The following KCNQ5 variants were observed in gnomAD, a reference collection of about 807,000 sequenced individuals.
The protein encoded by KCNQ5 is potassium voltage-gated channel subfamily Q member 5.
Under a neutral mutation model 98.2 loss-of-function variants are expected in KCNQ5, and 30 were observed. The observed-to-expected ratio is 0.31, with a 90% CI of 0.23 to 0.41. KCNQ5 has a LOEUF of 0.41. Among genes scored for constraint, KCNQ5 ranks in the 10% least tolerant of loss-of-function variants. The probability of loss-of-function intolerance (pLI) is 1.00; values close to 1 mark genes in which losing one functional copy is unlikely to be tolerated. For missense variants in KCNQ5, 835 were observed against 1,182.5 expected, an observed-to-expected ratio of 0.71 and a Z score of 4.31; for synonymous variants, 458 against 449.4, an observed-to-expected ratio of 1.02 and a Z score of -0.24.
intron 3 of KCNQ5, among the ~76,000 whole-genome samples, chr6:73,064,501 T>A (rs1197799682): frequency 6.6e-6 from 1 of 152,156 alleles, no homozygotes; most frequent in African/African-American, 2.4e-5. Flanking sequence ...TCAAATTTGA[T>A]TATTCATTGG....
chr6:73,197,622 CACACACACACACACA>C lies in KCNQ5; in HGVS notation c.*2209_*2223del, dbSNP rs1765840587. On this transcript the variant is annotated 3_prime_UTR_variant, in exon 14 of 14. Coordinates refer to ENST00000370398, the MANE Select transcript of KCNQ5 (RefSeq NM_019842.4). ...ACACACACACACACACACACACACA[CACACACACACACACA>C]CACACCCCTCCACTGACCTAAAGCC... 7.2e-6 allele frequency: 1 copy of C among 138,490 alleles called. No individual in the cohort carries two copies. The highest frequency in any genetic ancestry group is 1.7e-5 in the Non-Finnish European group (1 of 59,988). 8.6% of individuals were successfully genotyped at this position (138,490 alleles called of 1,614,324 possible).
chr6:72,681,266 A>C (rs1023290432), intron 1 of KCNQ5, among the ~76,000 whole-genome samples: 3 of 152,218 alleles, frequency 2.0e-5, no homozygotes, highest in African/African-American at 7.2e-5. Context: ...CTAGTTTGTA[A>C]CTACTATTAT....
At chr6:72,881,237 T>C (rs944534314) in intron 1 of KCNQ5, among the ~76,000 whole-genome samples, 9 of 152,224 alleles carry the variant, frequency 5.9e-5, no homozygotes, top group African/African-American at 2.2e-4. Flanking sequence ...CAGCTATCAG[T>C]TGATGAACAC....
At chr6:73,093,219 A>T (rs1774329520) in intron 5 of KCNQ5, among the ~76,000 whole-genome samples, 1 of 151,956 alleles carries the variant, frequency 6.6e-6, no homozygotes, top group Admixed American at 6.6e-5. Context: ...GCCTTGAATG[A>T]TCTTTTGTAT....
intron 1 of KCNQ5, among the ~76,000 whole-genome samples, chr6:72,899,744 C>G (rs1779405340): frequency 1.3e-5 from 2 of 151,714 alleles, no homozygotes; most frequent in Non-Finnish European, 2.9e-5. Flanking sequence ...TTTGGTGTAC[C>G]CATCACCAGA....
At chr6:73,165,488 G>T (rs1777759183) in intron 10 of KCNQ5, among the ~76,000 whole-genome samples, 1 of 152,088 alleles carries the variant, frequency 6.6e-6, no homozygotes, top group Non-Finnish European at 1.5e-5. Context: ...TATTTCCAAG[G>T]CTCCTTTGGG....
At chr6:72,770,173 G>C (rs1022820168) in intron 1 of KCNQ5, among the ~76,000 whole-genome samples, 3 of 152,080 alleles carry the variant, frequency 2.0e-5, no homozygotes, top group Non-Finnish European at 4.4e-5. Flanking sequence ...ATGGATTCTA[G>C]AAAATGTTGG....
intron 1 of KCNQ5, among the ~76,000 whole-genome samples, chr6:72,968,799 C>T (rs1277769685): frequency 2.6e-5 from 4 of 152,078 alleles, no homozygotes; most frequent in African/African-American, 9.7e-5. Flanking sequence ...TATAATATCT[C>T]GGCCAAAAAT....
At position 72,670,797 on chromosome 6, in the gene KCNQ5, T is replaced by C. The variant is rs115281263; in HGVS notation, c.398+48210T>C. On this transcript the variant is annotated intron_variant, in intron 1 of 13. Coordinates refer to ENST00000370398, the MANE Select transcript of KCNQ5 (RefSeq NM_019842.4). ...GAATCTTATAGGATCAGAGCCCAAC[T>C]CTTACATTCTTGTTTAACCTTACTT... Among the ~76,000 whole-genome samples the C allele has an allele frequency of 3.1e-3, 476 of 152,244 alleles. 2 individuals carry two copies. The highest frequency in any genetic ancestry group is 0.014 in the Middle Eastern group (4 of 294).
intron 1 of KCNQ5, among the ~76,000 whole-genome samples, chr6:72,938,376 C>T (rs1006598324): frequency 3.3e-5 from 5 of 151,850 alleles, no homozygotes; most frequent in Admixed American, 1.3e-4. Flanking sequence ...TAAAATTGTA[C>T]GTTTATTTAT....
At chr6:73,005,685 GA>G (rs1769781321) in intron 2 of KCNQ5, among the ~76,000 whole-genome samples, 1 of 152,170 alleles carries the variant, frequency 6.6e-6, no homozygotes. Context: ...GCATTTAGTA[GA>G]AAATAAAAAT....
intron 1 of KCNQ5, among the ~76,000 whole-genome samples, chr6:72,920,452 A>G (rs1044755233): frequency 6.6e-6 from 1 of 152,172 alleles, no homozygotes; most frequent in Non-Finnish European, 1.5e-5. Flanking sequence ...TGGAATACGC[A>G]TCTAAGATAA....
In KCNQ5 at chr6:72,912,265, C is replaced by CA. The variant is rs202239809; in HGVS notation, c.399-91634dup. ...CAGGGCTATGTACATATAGGTAAAT[C>CA]AAAAAAAAACTTAATGGGCATATTA... is the stretch of plus-strand genomic sequence containing the variant. On this transcript the variant is annotated intron_variant, in intron 1 of 13. Coordinates refer to ENST00000370398, the MANE Select transcript of KCNQ5 (RefSeq NM_019842.4). 1.2e-4 allele frequency among the ~76,000 whole-genome samples: 18 copies of CA among 150,772 alleles called. No individual in the cohort carries two copies. In the South Asian group the frequency reaches 1.9e-3, roughly 16 times the overall value.
chr6:72,663,217 G>A (rs544888821), intron 1 of KCNQ5, among the ~76,000 whole-genome samples: 207 of 152,144 alleles, frequency 1.4e-3, no homozygotes, highest in African/African-American at 4.8e-3. Context: ...ACCATGGCAC[G>A]TGTATACCTA....
chr6:73,025,423 A>T (rs1320474120), intron 2 of KCNQ5, among the ~76,000 whole-genome samples: 2 of 152,152 alleles, frequency 1.3e-5, no homozygotes, highest in Non-Finnish European at 2.9e-5. Flanking sequence ...GGAGTTCAAA[A>T]AAAGCCTGCC....
intron 3 of KCNQ5, among the ~76,000 whole-genome samples, chr6:73,045,538 C>A (rs549634512): frequency 4.1e-4 from 63 of 152,324 alleles, no homozygotes; most frequent in African/African-American, 1.5e-3. Flanking sequence ...ACCACCCAAG[C>A]TGCCCTTCAT....
chr6:72,657,580 G>A (rs912708173), intron 1 of KCNQ5, among the ~76,000 whole-genome samples: 1 of 152,174 alleles, frequency 6.6e-6, no homozygotes, highest in African/African-American at 2.4e-5. Context: ...GAAAGAAACA[G>A]GGTCTTGTTC....
rs1262738341 is a variant in KCNQ5 at position 73,057,414 on chromosome 6, G to A, written c.616+15352G>A. 2.6e-5 allele frequency among the ~76,000 whole-genome samples: 4 copies of A among 151,968 alleles called. No homozygotes were observed. In the East Asian group the frequency reaches 5.8e-4, roughly 22 times the overall value. ...TTAATGGGTGCAGCACACCAACATGGCACATGTATACATGTGTAACAAATC... is the reference window on the plus strand; with the variant it reads ...TTAATGGGTGCAGCACACCAACATGACACATGTATACATGTGTAACAAATC... On this transcript the variant is annotated intron_variant, in intron 3 of 13. Coordinates refer to ENST00000370398, the MANE Select transcript of KCNQ5 (RefSeq NM_019842.4).
intron 6 of KCNQ5, among the ~76,000 whole-genome samples, chr6:73,110,995 A>AC (rs1012541727): frequency 1.3e-5 from 2 of 148,234 alleles, no homozygotes; most frequent in African/African-American, 5.3e-5. Context: ...ACACACACAC[A>AC]AAAAAATTTT....
Sources: gnomAD v4.1 joint callset for allele counts (sites outside exome capture counted in the v4.1 genomes callset) on GRCh38, gnomAD v4.1.1 for gene constraint, MANE v1.5 for transcripts, NCBI Gene and HGNC (gene_info 2026-07-23, HGNC 2026-07-21) for gene names.